The following N4BP2L2 variants were observed in gnomAD, a reference collection of about 807,000 sequenced individuals.
The protein encoded by N4BP2L2 is NEDD4 binding protein 2 like 2.
In N4BP2L2, 50 loss-of-function variants were observed where a neutral mutation model predicts 56.2. That is an observed-to-expected ratio of 0.89 (90% CI 0.71 to 1.13). N4BP2L2 has a LOEUF of 1.13. N4BP2L2 is among the 50% of genes most tolerant of loss of function. The probability of loss-of-function intolerance (pLI) is 0.00; values close to 1 mark genes in which losing one functional copy is unlikely to be tolerated. For missense variants in N4BP2L2, 689 were observed against 693.8 expected (o/e 0.99, Z 0.08); for synonymous variants, 203 against 223.6 (o/e 0.91, Z 0.82).
intron 6 of N4BP2L2, among the ~76,000 whole-genome samples, chr13:32,499,976 G>A (rs531305527): frequency 1.2e-4 from 19 of 152,298 alleles, no homozygotes; most frequent in African/African-American, 4.6e-4. Context: ...CTTGGCTACT[G>A]ACTCTACCAG....
chr13:32,438,592 T>C, intron 8 of N4BP2L2: 1 of 1,353,688 alleles, frequency 7.4e-7, no homozygotes, highest in South Asian at 1.3e-5. Flanking sequence ...AGAATGAAAC[T>C]CCGTCTCAAA....
intron 6 of N4BP2L2, among the ~76,000 whole-genome samples, chr13:32,451,284 A>C (rs967140197): frequency 2.6e-5 from 4 of 152,058 alleles, no homozygotes; most frequent in African/African-American, 7.2e-5. Context: ...AAAAAAGAAA[A>C]AAATATATAT....
At chr13:32,492,914 C>G (rs1288747889) in intron 6 of N4BP2L2, among the ~76,000 whole-genome samples, 38 of 96,774 alleles carry the variant, frequency 3.9e-4, no homozygotes, top group Admixed American at 7.4e-4. Context: ...TGTAGCTTTT[C>G]TGTTTTTTTT....
downstream of N4BP2L2, chr13:32,508,882 G>A (rs1459820252): frequency 2.0e-5 from 3 of 152,172 alleles, no homozygotes; most frequent in African/African-American, 4.8e-5. Context: ...AATACCTGGA[G>A]TATTCTTCTC....
At chr13:32,528,234 A>T (rs2053651073) in intron 2 of N4BP2L2, among the ~76,000 whole-genome samples, 1 of 152,224 alleles carries the variant, frequency 6.6e-6, no homozygotes, top group Admixed American at 6.5e-5. Flanking sequence ...AGCCTAAGCA[A>T]GCAATTCATT....
intron 2 of N4BP2L2, among the ~76,000 whole-genome samples, chr13:32,531,101 C>T (rs904926761): frequency 3.9e-5 from 6 of 152,140 alleles, no homozygotes; most frequent in Non-Finnish European, 7.3e-5. Context: ...CTTGAGAGAG[C>T]TCTTAGAACC....
chr13:32,480,498 TCAACAA>T, intron 6 of N4BP2L2: 5 of 687,254 alleles, frequency 7.3e-6, no homozygotes, highest in Non-Finnish European at 1.1e-5. Context: ...TAAAGTCTCT[TCAACAA>T]TAAAGAGACT....
At chr13:32,527,526 C>T in exon 3 of N4BP2L2, 3 of 1,611,440 alleles carry the variant, frequency 1.9e-6, no homozygotes, top group Non-Finnish European at 1.7e-6. Context: ...TCTGACCAAG[C>T]AGAATTCTGT....
chr13:32,510,351 A>G (rs772383443), exon 6 of N4BP2L2: 6 of 152,132 alleles, frequency 3.9e-5, no homozygotes, highest in Non-Finnish European at 5.9e-5. Context: ...AAATAATAAA[A>G]TATTAAAATT....
intron 6 of N4BP2L2, chr13:32,477,920 A>G (rs1029252784): frequency 4.7e-6 from 6 of 1,289,270 alleles, no homozygotes; most frequent in African/African-American, 3.0e-5. Flanking sequence ...AAAGTGATCA[A>G]TGTGTCAGTC....
intron 7 of N4BP2L2, among the ~76,000 whole-genome samples, chr13:32,441,527 T>C (rs959757106): frequency 6.6e-6 from 1 of 150,442 alleles, no homozygotes; most frequent in African/African-American, 2.5e-5. Flanking sequence ...CTACTAATAA[T>C]ACAAAAATTA....
In N4BP2L2 at chr13:32,497,748, A is replaced by AGTC. The variant is rs568057297; in HGVS notation, c.365+20108_365+20109insGAC. 6.8e-3 allele frequency among the ~76,000 whole-genome samples: 1,043 copies of AGTC among 152,326 alleles called. 10 individuals are homozygous for AGTC. The highest frequency in any genetic ancestry group is 0.035 in the South Asian group (168 of 4,830). On this transcript the variant is annotated intron_variant, in intron 6 of 9. Coordinates refer to the N4BP2L2 transcript ENST00000357505. ...GGCTTTGCCACACCACTGCCCTGACAGGCTGCCTGAGGCTGCATAAGTTAT... is the reference window on the plus strand; with the variant it reads ...GGCTTTGCCACACCACTGCCCTGACAGTCGGCTGCCTGAGGCTGCATAAGTTAT...
At chr13:32,480,595 T>C in intron 6 of N4BP2L2, 2 of 1,282,858 alleles carry the variant, frequency 1.6e-6, no homozygotes, top group South Asian at 1.2e-5. Flanking sequence ...CTCACCTGAG[T>C]TGCTGTCTTA....
chr13:32,451,716 A>ATTT (rs780502313), intron 6 of N4BP2L2, among the ~76,000 whole-genome samples: 1 of 133,050 alleles, frequency 7.5e-6, no homozygotes, highest in African/African-American at 2.8e-5. Flanking sequence ...CTGCCCAGCT[A>ATTT]TTTTTTTTTT....
intron 6 of N4BP2L2, among the ~76,000 whole-genome samples, chr13:32,451,974 T>G (rs896150619): frequency 3.9e-5 from 6 of 152,106 alleles, no homozygotes; most frequent in Non-Finnish European, 8.8e-5. Context: ...TACCGAATAT[T>G]CAAGGAATTG....
intron 2 of N4BP2L2, among the ~76,000 whole-genome samples, chr13:32,527,857 C>T (rs576555098): frequency 3.3e-5 from 5 of 151,914 alleles, no homozygotes; most frequent in African/African-American, 1.2e-4. Context: ...CTGCAACCTC[C>T]GCCTCCCGGG....
chr13:32,508,697 A>C (rs1490030286), downstream of N4BP2L2: 6 of 152,212 alleles, frequency 3.9e-5, no homozygotes, highest in Admixed American at 2.6e-4. Context: ...TCATGTAAAG[A>C]TATCCATCAG....
At chr13:32,438,636 A>G (rs760723073) in intron 8 of N4BP2L2, 28 of 1,567,908 alleles carry the variant, frequency 1.8e-5, no homozygotes, top group Non-Finnish European at 1.8e-6. Context: ...ACACACACAC[A>G]CACACACATA....
intron 6 of N4BP2L2, among the ~76,000 whole-genome samples, chr13:32,491,804 TG>T (rs2087172241): frequency 6.6e-6 from 1 of 151,686 alleles, no homozygotes; most frequent in Admixed American, 6.6e-5. Context: ...GGTAATTTTT[TG>T]TATGTTAGTA....
Sources: gnomAD v4.1 joint callset for allele counts (sites outside exome capture counted in the v4.1 genomes callset) on GRCh38, gnomAD v4.1.1 for gene constraint, MANE v1.5 for transcripts, NCBI Gene and HGNC (gene_info 2026-07-23, HGNC 2026-07-21) for gene names.